The following METAP1D variants were observed in gnomAD, a reference collection of about 807,000 sequenced individuals.
METAP1D encodes methionine aminopeptidase 1D, mitochondrial.
A neutral mutation model predicts 40.5 loss-of-function variants in METAP1D; 31 were observed. The ratio of observed to expected loss-of-function variants is 0.77; its 90% CI spans 0.58 to 1.03. The LOEUF (loss-of-function observed/expected upper bound fraction) is 1.03, where lower values mean the gene tolerates loss of function less well. Ranked by LOEUF, METAP1D falls within the 50% of genes least tolerant of loss-of-function variation. METAP1D has a pLI of 0.00. For missense variants in METAP1D, 411 were observed against 420.7 expected (o/e 0.98, Z 0.20); for synonymous variants, 151 against 146.4 (o/e 1.03, Z -0.22).
At chr2:172,011,486 G>C (rs527577529) in intron 1 of METAP1D, among the ~76,000 whole-genome samples, 2 of 151,738 alleles carry the variant, frequency 1.3e-5, no homozygotes, top group Admixed American at 1.3e-4. Flanking sequence ...GGGTTTCACT[G>C]TGTTAGCCAG....
chr2:172,061,908 C>A, intron 2 of METAP1D: 1 of 256,610 alleles, frequency 3.9e-6, no homozygotes, highest in Non-Finnish European at 7.3e-6. Context: ...ATGAAATTTT[C>A]TATATTAAAT....
chr2:172,061,096 C>T (rs1304381306), intron 1 of METAP1D, among the ~76,000 whole-genome samples: 4 of 152,128 alleles, frequency 2.6e-5, no homozygotes, highest in Non-Finnish European at 5.9e-5. Flanking sequence ...GCAATTTGTC[C>T]GTGATTCTTG....
intron 6 of METAP1D, 145 bp from the exon 7 acceptor site, chr2:172,077,652 T>A: frequency 1.9e-6 from 1 of 514,978 alleles, no homozygotes; most frequent in Non-Finnish European, 3.5e-6. Flanking sequence ...TACAGCATAA[T>A]GAAAACACAT....
At chr2:172,006,031 C>G (rs560329723) in intron 1 of METAP1D, among the ~76,000 whole-genome samples, 13 of 151,582 alleles carry the variant, frequency 8.6e-5, no homozygotes, top group Non-Finnish European at 1.6e-4. Flanking sequence ...CCACAAAATA[C>G]ATTATTATGG....
chr2:172,031,150 C>CT (rs1405931290), intron 1 of METAP1D, among the ~76,000 whole-genome samples: 1 of 152,170 alleles, frequency 6.6e-6, no homozygotes, highest in African/African-American at 2.4e-5. Context: ...AATATGTCCC[C>CT]TACAGCCTTC....
intron 1 of METAP1D, among the ~76,000 whole-genome samples, chr2:172,016,401 T>G (rs1469763547): frequency 7.0e-6 from 1 of 142,418 alleles, no homozygotes; most frequent in Non-Finnish European, 1.5e-5. Flanking sequence ...GTGGATGGCT[T>G]CAGCCCAGAA....
chr2:172,034,431 GTT>G (rs1435296480), intron 1 of METAP1D, among the ~76,000 whole-genome samples: 2 of 150,386 alleles, frequency 1.3e-5, no homozygotes, highest in African/African-American at 4.9e-5. Context: ...GTGTGTGTGT[GTT>G]ATTTCTGGTT....
At chr2:172,001,693 A>G (rs1002862109) in intron 1 of METAP1D, among the ~76,000 whole-genome samples, 2 of 152,146 alleles carry the variant, frequency 1.3e-5, no homozygotes, top group Non-Finnish European at 2.9e-5. Flanking sequence ...AGAGATGTGT[A>G]TGGGGAAGGT....
intron 1 of METAP1D, among the ~76,000 whole-genome samples, chr2:172,023,528 T>G (rs1167453699): frequency 1.3e-5 from 2 of 152,180 alleles, no homozygotes; most frequent in Non-Finnish European, 2.9e-5. Flanking sequence ...AGGTTGATAA[T>G]AGTTTGTATC....
intron 1 of METAP1D, among the ~76,000 whole-genome samples, chr2:172,045,849 A>T (rs1277810169): frequency 8.9e-6 from 1 of 112,770 alleles, no homozygotes; most frequent in East Asian, 2.3e-4. Context: ...ATATATATAT[A>T]TATATATATA....
intron 1 of METAP1D, among the ~76,000 whole-genome samples, chr2:172,030,855 T>C (rs1004299492): frequency 6.6e-6 from 1 of 152,228 alleles, no homozygotes; most frequent in Non-Finnish European, 1.5e-5. Context: ...CACTCACATG[T>C]ATGTATGTCT....
intron 5 of METAP1D, among the ~76,000 whole-genome samples, chr2:172,068,623 C>A (rs771846252): frequency 6.6e-6 from 1 of 151,606 alleles, no homozygotes; most frequent in Non-Finnish European, 1.5e-5. Context: ...AAGTGATTCT[C>A]CTGCCTCAGC....
chr2:172,063,660 C>T, intron 2 of METAP1D, 51 bp from the exon 3 acceptor site: 1 of 1,389,890 alleles, frequency 7.2e-7, no homozygotes, highest in South Asian at 1.2e-5. Flanking sequence ...AAAATGATCC[C>T]ATTGTCGTGC....
chr2:172,025,201 T>C (rs1689096883), intron 1 of METAP1D, among the ~76,000 whole-genome samples: 1 of 152,238 alleles, frequency 6.6e-6, no homozygotes, highest in South Asian at 2.1e-4. Context: ...CCCAGAAATC[T>C]ACATTTTAAT....
At chr2:172,031,370 T>G (rs575970061) in intron 1 of METAP1D, among the ~76,000 whole-genome samples, 93 of 151,812 alleles carry the variant, frequency 6.1e-4, no homozygotes, top group Non-Finnish European at 1.1e-3. Context: ...AGGGAGACAC[T>G]CCCCTACCAG....
rs866623154 is a variant in METAP1D at position 172,081,202 on chromosome 2, A to C, written c.*796A>C. On this transcript the variant is annotated 3_prime_UTR_variant, in exon 10 of 10. Transcript: ENST00000315796. ...CCCCACACGCACGCACGCACGCTAGACCGTTTGCTGCACTAGGAATTCGAG... is the reference window on the plus strand; with the variant it reads ...CCCCACACGCACGCACGCACGCTAGCCCGTTTGCTGCACTAGGAATTCGAG... 1 of 139,578 alleles carries C rather than the reference A, an allele frequency of 7.2e-6. No homozygotes were observed. The highest frequency in any genetic ancestry group is 1.6e-5 in the Non-Finnish European group (1 of 64,408). 8.6% of individuals were successfully genotyped at this position (139,578 alleles called of 1,614,324 possible).
At chr2:172,080,055 T>A (rs772928689) in intron 8 of METAP1D, 73 bp from the exon 9 acceptor site, 17 of 1,380,386 alleles carry the variant, frequency 1.2e-5, no homozygotes, top group Admixed American at 3.9e-5. Flanking sequence ...TTCTCTTTTT[T>A]AATAATCAGC....
Position 172,034,499 on chromosome 2 carries a change from C to T in METAP1D, c.41-26999C>T, listed in dbSNP as rs141303128. Among the ~76,000 whole-genome samples, 204 of 151,776 alleles carry T rather than the reference C, an allele frequency of 1.3e-3. 2 individuals carry two copies. The highest frequency in any genetic ancestry group is 4.4e-3 in the African/African-American group (184 of 41,368). The stretch of plus-strand genomic sequence containing the variant: ...TATTTTCCCAGTTTACCACCTGGTC[C>T]GGGTTGTTGTGCCAAACTTAATAAT... On this transcript the variant is annotated intron_variant, in intron 1 of 9. Transcript: ENST00000315796.
intron 1 of METAP1D, among the ~76,000 whole-genome samples, chr2:172,006,581 T>G (rs1027132899): frequency 1.3e-5 from 2 of 152,204 alleles, no homozygotes; most frequent in Non-Finnish European, 2.9e-5. Context: ...TTGGCAAAGA[T>G]GGGAGAAGTA....
Sources: gnomAD v4.1 joint callset for allele counts (sites outside exome capture counted in the v4.1 genomes callset) on GRCh38, gnomAD v4.1.1 for gene constraint, MANE v1.5 for transcripts, NCBI Gene and HGNC (gene_info 2026-07-23, HGNC 2026-07-21) for gene names.